RPL36A: variants seen among roughly 807,000 people sequenced by gnomAD.
RPL36A encodes the protein ribosomal protein L36a, also known as large ribosomal subunit protein eL42.
For missense variants in RPL36A, 20 were observed against 81.0 expected (o/e 0.25, Z 2.89); for synonymous variants, 25 against 28.5 (o/e 0.88, Z 0.39).
At chrX:101,395,291 CT>C (rs1555984164) in intron 3 of RPL36A, 43 bp from the exon 4 acceptor site, 4 of 1,129,585 alleles carry the variant, frequency 3.5e-6, no homozygotes, top group Admixed American at 3.3e-5. Flanking sequence ...AGAAAGTGAT[CT>C]TCTGTAGTTA....
chrX:101,395,884 T>C lies in RPL36A; in HGVS notation c.*136T>C, dbSNP rs3027593. On this transcript the variant is annotated 3_prime_UTR_variant, in exon 5 of 5. Transcript: ENST00000553110. ...TTGTGGGGAAATTTATGCCTCTTAC[T>C]GGTACTACTTGTTTTGCATTGAAGC... is the stretch of plus-strand genomic sequence containing the variant. 3.6e-6 allele frequency: 2 copies of C among 560,063 alleles called. No homozygotes were observed. The highest frequency in any genetic ancestry group is 2.3e-5 in the African/African-American group (1 of 43,835). 46.2% of individuals were successfully genotyped at this position (560,063 alleles called of 1,213,427 possible).
rs782691804 is a variant in RPL36A at position 101,391,167 on chromosome X, A to G, written c.3+121A>G. ...GGACTCGATATATCAGAGCAACCCA[A>G]TCTTGCCGGGATCAACCCTAAAGGG... is the stretch of plus-strand genomic sequence containing the variant. On this transcript the variant is annotated intron_variant, in intron 1 of 4. Coordinates refer to ENST00000553110, the MANE Select transcript of RPL36A (RefSeq NM_021029.6). 213 of 842,330 alleles carry G rather than the reference A, an allele frequency of 2.5e-4. No homozygotes were observed. The African/African-American group carries it at 3.8e-3, about 15-fold the overall frequency. The allele number at this position is 842,330 out of a possible 1,213,427, so 69.4% of individuals were successfully genotyped here.
chrX:101,395,574 A>G (rs1252850944), intron 4 of RPL36A, 117 bp downstream of exon 4: 3 of 1,094,319 alleles, frequency 2.7e-6, no homozygotes, highest in East Asian at 3.0e-5. Flanking sequence ...TATTAGATCT[A>G]TAGCTAAAGA....
At chrX:101,393,437 G>A (rs1424581516) in intron 3 of RPL36A, 1 of 112,053 alleles carries the variant, frequency 8.9e-6, no homozygotes, top group African/African-American at 3.2e-5. Flanking sequence ...TAGCACGACA[G>A]CGTGACTAAA....
chrX:101,395,642 G>A (rs1927997205), intron 4 of RPL36A, 86 bp from the exon 5 acceptor site: 2 of 1,122,949 alleles, frequency 1.8e-6, no homozygotes, highest in Non-Finnish European at 2.4e-6. Flanking sequence ...TAACAGCATG[G>A]TGAGTATTTT....
intron 2 of RPL36A, 77 bp downstream of exon 2, chrX:101,391,641 C>G: frequency 8.4e-7 from 1 of 1,191,610 alleles, no homozygotes; most frequent in Non-Finnish European, 1.1e-6. Flanking sequence ...GGGTCTCTCT[C>G]CCTCCACGCC....
intron 3 of RPL36A, chrX:101,392,292 T>C (rs1927838068): frequency 4.6e-6 from 4 of 875,780 alleles, no homozygotes; most frequent in Non-Finnish European, 5.6e-6. Flanking sequence ...TCCTGAATTC[T>C]GTATTCTCAG....
chrX:101,391,265 G>A lies in RPL36A; in HGVS notation c.4-194G>A, dbSNP rs1927788614. ...AGTTAGCCGGGGGTGGAGTTAATGA[G>A]GTCTCTTCCCTCTTTGGGGCTCGAC... is the stretch of plus-strand genomic sequence containing the variant. On this transcript the variant is annotated intron_variant, in intron 1 of 4. Coordinates refer to ENST00000553110, the MANE Select transcript of RPL36A (RefSeq NM_021029.6). 1 of 592,319 alleles carries A rather than the reference G, an allele frequency of 1.7e-6. No homozygotes were observed. The highest frequency in any genetic ancestry group is 2.7e-6 in the Non-Finnish European group (1 of 368,770). The allele number at this position is 592,319 out of a possible 1,213,427, so 48.8% of individuals were successfully genotyped here.
chrX:101,395,695 A>C (rs782139343), intron 4 of RPL36A, 33 bp from the exon 5 acceptor site: 1 of 1,204,499 alleles, frequency 8.3e-7, no homozygotes, highest in Non-Finnish European at 1.1e-6. Flanking sequence ...TTCATGGCAA[A>C]ATACAAAACA....
chrX:101,395,570 A>G, intron 4 of RPL36A, 113 bp downstream of exon 4: 1 of 1,106,914 alleles, frequency 9.0e-7, no homozygotes, highest in East Asian at 3.0e-5. Flanking sequence ...AAAATATTAG[A>G]TCTATAGCTA....
At chrX:101,392,099 A>G in intron 3 of RPL36A, 1 of 1,128,131 alleles carries the variant, frequency 8.9e-7, no homozygotes, top group Non-Finnish European at 1.2e-6. Context: ...CTGAAGTGTG[A>G]GTACACTGGT....
At chrX:101,395,253 A>T in intron 3 of RPL36A, 82 bp from the exon 4 acceptor site, 1 of 1,055,722 alleles carries the variant, frequency 9.5e-7, no homozygotes, top group Non-Finnish European at 1.2e-6. Flanking sequence ...GCTTTGCTTT[A>T]AATAGTACTT....
At chrX:101,391,628 T>C in intron 2 of RPL36A, 64 bp downstream of exon 2, 1 of 1,192,257 alleles carries the variant, frequency 8.4e-7, no homozygotes, top group Non-Finnish European at 1.1e-6. Context: ...AACATACGAG[T>C]CCGGGTCTCT....
intron 3 of RPL36A, chrX:101,393,973 G>A (rs1310544819): frequency 4.4e-5 from 5 of 112,550 alleles, no homozygotes; most frequent in African/African-American, 1.6e-4. Flanking sequence ...GAACTCTGTA[G>A]CATGTTTGCA....
chrX:101,391,049 A>G lies in RPL36A; in HGVS notation c.3+3A>G. On this transcript the variant is annotated splice_donor_region_variant and intron_variant, in intron 1 of 4. Transcript: ENST00000553110. ...CCGATAGCGCTCACGCAAGCATGGTAGGACTTGCTGGTGGGGGCCGAGTAA... is the reference window on the plus strand; with the variant it reads ...CCGATAGCGCTCACGCAAGCATGGTGGGACTTGCTGGTGGGGGCCGAGTAA... The G allele has an allele frequency of 8.3e-7, 1 of 1,210,047 alleles. No homozygotes were observed.
At chrX:101,394,716 A>G (rs1489318445) in intron 3 of RPL36A, among the ~76,000 whole-genome samples, 2 of 99,962 alleles carry the variant, frequency 2.0e-5, no homozygotes, top group African/African-American at 7.2e-5. Flanking sequence ...TTATATATAT[A>G]TATTTATATA....
intron 2 of RPL36A, 38 bp from the exon 3 acceptor site, chrX:101,391,717 T>C: frequency 8.3e-7 from 1 of 1,207,532 alleles, no homozygotes; most frequent in East Asian, 3.0e-5. Flanking sequence ...CTTGCTGATC[T>C]TCAGTATTTT....
chrX:101,391,591 G>A, intron 2 of RPL36A, 27 bp downstream of exon 2: 1 of 1,207,140 alleles, frequency 8.3e-7, no homozygotes, highest in South Asian at 1.8e-5. Flanking sequence ...ATAATTTGGT[G>A]TTAATGTGAC....
chrX:101,393,926 A>AT (rs782223632), intron 3 of RPL36A: 1 of 112,581 alleles, frequency 8.9e-6, no homozygotes, highest in Non-Finnish European at 1.9e-5. Flanking sequence ...TTAATGAGTC[A>AT]TACTAATGTA....
Sources: allele counts gnomAD v4.1 joint callset (sites outside exome capture counted in the v4.1 genomes callset), GRCh38; gene constraint gnomAD v4.1.1; transcripts MANE v1.5; gene names NCBI Gene and HGNC (gene_info 2026-07-23, HGNC 2026-07-21).